Variants in LEKR1 observed in about 807,000 individuals in gnomAD.
The protein encoded by LEKR1 is protein LEKR1.
In LEKR1, 59 loss-of-function variants were observed where a neutral mutation model predicts 72.4. That is an observed-to-expected ratio of 0.82 (90% CI 0.66 to 1.01). The LOEUF (loss-of-function observed/expected upper bound fraction) is 1.01. Ranked by LOEUF, LEKR1 falls within the 50% of genes least tolerant of loss-of-function variation. LEKR1 has a pLI of 0.00. For missense variants in LEKR1, 728 were observed against 759.2 expected, an observed-to-expected ratio of 0.96 and a Z score of 0.48; for synonymous variants, 257 against 263.2, an observed-to-expected ratio of 0.98 and a Z score of 0.23.
Position 156,951,699 on chromosome 3 carries a change from G to A in LEKR1, c.745+8985G>A, listed in dbSNP as rs138228761. On this transcript the variant is annotated intron_variant, in intron 6 of 12. Transcript: ENST00000356539. ...TTGTTTTTATTTCTATGGGGTTAGT[G>A]GTAACATTTTCTTCTTCATTTCTAA... 3.4e-3 allele frequency among the ~76,000 whole-genome samples: 520 copies of A among 151,494 alleles called. 2 individuals carry two copies. The highest frequency in any genetic ancestry group is 0.012 in the African/African-American group (494 of 41,420).
At chr3:156,968,560 A>G (rs1728845247) in intron 6 of LEKR1, among the ~76,000 whole-genome samples, 1 of 152,242 alleles carries the variant, frequency 6.6e-6, no homozygotes, top group Non-Finnish European at 1.5e-5. Flanking sequence ...TCAATTCAAC[A>G]AGAAGAGCTA....
At chr3:157,026,268 G>T (rs1734182893) in intron 11 of LEKR1, among the ~76,000 whole-genome samples, 1 of 152,014 alleles carries the variant, frequency 6.6e-6, no homozygotes, top group East Asian at 1.9e-4. Context: ...TGTGACTGCT[G>T]TTGCAGCCCT....
At chr3:156,942,932 G>T (rs1422898545) in intron 6 of LEKR1, 1 of 272,254 alleles carries the variant, frequency 3.7e-6, no homozygotes, top group Non-Finnish European at 7.0e-6. Flanking sequence ...AGACTTAAGT[G>T]AATATATAAA....
At chr3:156,963,343 A>C (rs930567997) in intron 6 of LEKR1, among the ~76,000 whole-genome samples, 1 of 151,744 alleles carries the variant, frequency 6.6e-6, no homozygotes. Context: ...ACGTGGGCAC[A>C]CTCCTCCCTA....
At chr3:156,891,397 T>G (rs1392181927) in intron 3 of LEKR1, among the ~76,000 whole-genome samples, 1 of 152,154 alleles carries the variant, frequency 6.6e-6, no homozygotes, top group Non-Finnish European at 1.5e-5. Context: ...ACTGTCTAGT[T>G]TCTAGGAGTG....
chr3:156,868,463 T>C (rs1041606261), intron 3 of LEKR1, among the ~76,000 whole-genome samples: 1 of 151,984 alleles, frequency 6.6e-6, no homozygotes, highest in African/African-American at 2.4e-5. Flanking sequence ...ACAGGCACCC[T>C]GTGGAATGCC....
intron 10 of LEKR1, among the ~76,000 whole-genome samples, chr3:157,019,779 G>A (rs1351127670): frequency 6.6e-6 from 1 of 152,074 alleles, no homozygotes; most frequent in Non-Finnish European, 1.5e-5. Context: ...CCTACTGAAA[G>A]GCAAATAATG....
At chr3:157,021,308 C>T (rs1197966974) in intron 10 of LEKR1, among the ~76,000 whole-genome samples, 1 of 151,732 alleles carries the variant, frequency 6.6e-6, no homozygotes, top group Non-Finnish European at 1.5e-5. Context: ...TCAATTTTGT[C>T]TTTTGTTGCC....
At chr3:156,850,165 A>G (rs986313564) in intron 2 of LEKR1, among the ~76,000 whole-genome samples, 1 of 152,166 alleles carries the variant, frequency 6.6e-6, no homozygotes. Flanking sequence ...AAAAATGCTC[A>G]TCATCACTGG....
chr3:156,853,840 A>T (rs1194904873), intron 3 of LEKR1, among the ~76,000 whole-genome samples: 1 of 152,094 alleles, frequency 6.6e-6, no homozygotes, highest in African/African-American at 2.4e-5. Context: ...TGATATTTTC[A>T]TGGAAAAGCT....
intron 3 of LEKR1, among the ~76,000 whole-genome samples, chr3:156,874,554 A>G (rs75849070): frequency 6.6e-6 from 1 of 151,864 alleles, no homozygotes; most frequent in East Asian, 1.9e-4. Flanking sequence ...TTTTTTTTCC[A>G]ATAGTTTTTG....
At chr3:157,013,337 A>T (rs1733055661) in intron 10 of LEKR1, among the ~76,000 whole-genome samples, 1 of 152,124 alleles carries the variant, frequency 6.6e-6, no homozygotes, top group Non-Finnish European at 1.5e-5. Context: ...GTCTCTGTTT[A>T]TGATCCCCTC....
chr3:157,003,306 T>G (rs1732153327), intron 9 of LEKR1, among the ~76,000 whole-genome samples: 1 of 152,204 alleles, frequency 6.6e-6, no homozygotes. Context: ...GATATTCTCA[T>G]ATTATTGCTG....
chr3:156,949,431 T>A (rs1041117871), intron 6 of LEKR1, among the ~76,000 whole-genome samples: 2 of 151,708 alleles, frequency 1.3e-5, no homozygotes, highest in Non-Finnish European at 3.0e-5. Context: ...CTTTTTCCAT[T>A]GCTTGTTTTT....
At chr3:157,027,967 C>G in intron 11 of LEKR1, 136 bp from the exon 12 acceptor site, 2 of 515,346 alleles carry the variant, frequency 3.9e-6, no homozygotes, top group Non-Finnish European at 6.8e-6. Context: ...TCTTGAAGGC[C>G]TGCACATCAT....
At position 157,039,303 on chromosome 3, in the gene LEKR1, A is replaced by G. The variant is rs554051915; in HGVS notation, c.1669-6037A>G. On this transcript the variant is annotated intron_variant, in intron 12 of 12. Coordinates refer to ENST00000356539, the MANE Select transcript of LEKR1 (RefSeq NM_001004316.3). ...CAATGTAAACTCTATTTTTAAAAAAAGAAAGAAAGAAATTCCATTTACATA... is the reference window on the plus strand; with the variant it reads ...CAATGTAAACTCTATTTTTAAAAAAGGAAAGAAAGAAATTCCATTTACATA... Among the ~76,000 whole-genome samples the G allele has an allele frequency of 4.6e-5, 7 of 152,296 alleles. No homozygotes were observed. In the East Asian group the frequency reaches 1.4e-3, roughly 30 times the overall value.
intron 3 of LEKR1, among the ~76,000 whole-genome samples, chr3:156,879,341 G>A (rs929555873): frequency 3.4e-4 from 51 of 152,152 alleles, no homozygotes; most frequent in African/African-American, 1.2e-3. Context: ...GTGGTATTTT[G>A]CTCCTGCCCT....
chr3:157,010,183 T>C (rs186205106), intron 9 of LEKR1, among the ~76,000 whole-genome samples: 3 of 152,122 alleles, frequency 2.0e-5, no homozygotes, highest in Admixed American at 1.3e-4. Context: ...TCACTGATAT[T>C]GTCTATTTTT....
chr3:156,909,064 G>A (rs973095878), intron 3 of LEKR1, among the ~76,000 whole-genome samples: 3 of 152,014 alleles, frequency 2.0e-5, no homozygotes, highest in African/African-American at 7.2e-5. Context: ...GTTTTATAAG[G>A]GGAAAACCCC....
Sources: gnomAD v4.1 joint callset for allele counts (sites outside exome capture counted in the v4.1 genomes callset) on GRCh38, gnomAD v4.1.1 for gene constraint, MANE v1.5 for transcripts, NCBI Gene and HGNC (gene_info 2026-07-23, HGNC 2026-07-21) for gene names.